The following CPAMD8 variants were observed in gnomAD, a reference collection of about 807,000 sequenced individuals.
CPAMD8 encodes the protein C3 and PZP like alpha-2-macroglobulin domain containing 8.
Under a neutral mutation model 224.7 loss-of-function variants are expected in CPAMD8, and 146 were observed. The observed-to-expected ratio is 0.65, with a 90% CI of 0.57 to 0.75. The LOEUF (loss-of-function observed/expected upper bound fraction) is 0.75. Among genes scored for constraint, CPAMD8 ranks in the 30% least tolerant of loss-of-function variants. CPAMD8 has a pLI of 0.00. For synonymous variants in CPAMD8, 966 were observed against 1,044.6 expected (o/e 0.92, Z 1.45); for missense variants, 2,301 against 2,537.5 (o/e 0.91, Z 2.00).
At chr19:16,904,920 C>T (rs2052411388) in intron 30 of CPAMD8, among the ~76,000 whole-genome samples, 1 of 152,226 alleles carries the variant, frequency 6.6e-6, no homozygotes, top group African/African-American at 2.4e-5. Context: ...ACTTAGTGCC[C>T]AAGCAGCCAC....
chr19:16,986,446 CCT>C (rs1282102730), intron 13 of CPAMD8, among the ~76,000 whole-genome samples: 1 of 152,142 alleles, frequency 6.6e-6, no homozygotes, highest in Non-Finnish European at 1.5e-5. Flanking sequence ...CTTCCTGTCC[CCT>C]GAGGAGGAGG....
chr19:17,006,912 C>T (rs1389760246), intron 7 of CPAMD8, among the ~76,000 whole-genome samples: 2 of 152,214 alleles, frequency 1.3e-5, no homozygotes, highest in Non-Finnish European at 2.9e-5. Context: ...TTGCTTCCCC[C>T]ATTGGGTTGA....
chr19:17,020,477 C>A, intron 2 of CPAMD8, 124 bp from the exon 3 acceptor site: 1 of 712,984 alleles, frequency 1.4e-6, no homozygotes, highest in Admixed American at 2.1e-5. Context: ...ACAAACACAC[C>A]CTGGGTCATG....
chr19:16,995,061 C>T (rs964370822), intron 11 of CPAMD8, among the ~76,000 whole-genome samples: 1 of 152,224 alleles, frequency 6.6e-6, no homozygotes, highest in Non-Finnish European at 1.5e-5. Context: ...CTTCTTCATA[C>T]ACATTCTGAC....
chr19:16,959,177 T>C (rs2054569998), intron 18 of CPAMD8, among the ~76,000 whole-genome samples: 1 of 136,986 alleles, frequency 7.3e-6, no homozygotes, highest in Non-Finnish European at 1.6e-5. Flanking sequence ...TGCATTTCCC[T>C]TTTTTTTTTT....
intron 18 of CPAMD8, among the ~76,000 whole-genome samples, chr19:16,958,479 C>T (rs576070427): frequency 1.3e-5 from 2 of 152,276 alleles, no homozygotes; most frequent in East Asian, 3.9e-4. Flanking sequence ...GCATAGTATT[C>T]CATGGTATTT....
intron 11 of CPAMD8, among the ~76,000 whole-genome samples, chr19:16,993,988 A>T (rs1268294252): frequency 1.3e-5 from 2 of 152,130 alleles, no homozygotes; most frequent in Admixed American, 1.3e-4. Context: ...CTATAGCCCC[A>T]ACTATTCAGG....
At chr19:17,021,998 G>A (rs2056969853) in intron 2 of CPAMD8, 32 bp downstream of exon 2, 2 of 1,551,272 alleles carry the variant, frequency 1.3e-6, no homozygotes, top group Non-Finnish European at 8.7e-7. Flanking sequence ...CAAAAGAAGG[G>A]GAAGTCCTGG....
Position 16,896,646 on chromosome 19 carries a change from C to G in CPAMD8, c.5085G>C (p.Ser1695=). The G allele has an allele frequency of 1.4e-6, 2 of 1,475,866 alleles. No individual in the cohort carries two copies. The highest frequency in any genetic ancestry group is 2.6e-5 in the South Asian group (2 of 76,880). 91.4% of individuals were successfully genotyped at this position (1,475,866 alleles called of 1,614,324 possible). A position where few individuals can be genotyped will look rare whatever the true frequency, so the allele number is the denominator to read the frequency against. Residue 1695 remains serine, a synonymous_variant, in exon 40 of 42, where the codon TCG becomes TCC. Transcript: ENST00000443236. ...CCTCCTCAGGGGCCACGGCAGGGCC[C>G]GACTCGCCGGGGAACCAGCCTGGGG... The part of the protein sequence containing the change: ...ARGPGWFPGE[S]GPAVAPEEGA...
intron 23 of CPAMD8, among the ~76,000 whole-genome samples, chr19:16,930,511 G>A (rs569544914): frequency 2.0e-5 from 3 of 152,306 alleles, no homozygotes; most frequent in East Asian, 3.9e-4. Context: ...GAAGTGACAA[G>A]AAACACCTAA....
chr19:16,988,829 G>A (rs530839239), intron 13 of CPAMD8, among the ~76,000 whole-genome samples: 9 of 152,110 alleles, frequency 5.9e-5, no homozygotes, highest in Non-Finnish European at 1.2e-4. Flanking sequence ...GTAGTAGGCT[G>A]ACAATCAAAA....
intron 27 of CPAMD8, among the ~76,000 whole-genome samples, chr19:16,915,900 T>C (rs1344590075): frequency 1.3e-5 from 2 of 151,410 alleles, no homozygotes; most frequent in Non-Finnish European, 2.9e-5. Flanking sequence ...TTTTCTTTCT[T>C]TCTTTCTCTT....
chr19:16,915,693 C>A (rs1302374519), intron 27 of CPAMD8, among the ~76,000 whole-genome samples: 5 of 152,054 alleles, frequency 3.3e-5, no homozygotes, highest in African/African-American at 9.7e-5. Context: ...GGATGAAAAC[C>A]AAAATTGTCA....
In CPAMD8 at chr19:17,008,564, T is replaced by G; in HGVS notation, c.505-5A>C. ...CATCCGAGAGCCTCGGGGGTCCTGT[T>G]GGTGGTGGAGGGGGACAGACACACG... is the stretch of plus-strand genomic sequence containing the variant. On this transcript the variant is annotated splice_polypyrimidine_tract_variant and splice_region_variant and intron_variant, in intron 6 of 41. Transcript: ENST00000443236. The G allele has an allele frequency of 6.2e-7, 1 of 1,613,994 alleles. No individual in the cohort carries two copies. The highest frequency in any genetic ancestry group is 2.2e-5 in the East Asian group (1 of 44,866).
chr19:16,960,764 T>C (rs1269891781), intron 18 of CPAMD8, among the ~76,000 whole-genome samples: 4 of 151,742 alleles, frequency 2.6e-5, no homozygotes, highest in Non-Finnish European at 4.4e-5. Flanking sequence ...TAGCCGGGTT[T>C]GGTGGTGCAG....
intron 26 of CPAMD8, among the ~76,000 whole-genome samples, chr19:16,924,934 A>G (rs924608201): frequency 1.3e-5 from 2 of 148,334 alleles, no homozygotes; most frequent in Non-Finnish European, 2.9e-5. Flanking sequence ...TTATATTATT[A>G]TTGTTGTAAA....
At chr19:16,947,342 A>C in intron 20 of CPAMD8, 115 bp from the exon 21 acceptor site, 1 of 1,272,146 alleles carries the variant, frequency 7.9e-7, no homozygotes, top group Non-Finnish European at 1.1e-6. Flanking sequence ...CAGCCTCCCA[A>C]AGAGCCATGC....
chr19:16,976,071 A>G lies in CPAMD8; in HGVS notation c.1839T>C (p.Cys613=). Residue 613 remains cysteine (C), a synonymous_variant, in exon 16 of 42, where the codon TGT becomes TGC. Coordinates refer to ENST00000443236, the MANE Select transcript of CPAMD8 (RefSeq NM_015692.5). ...TCTTATCAACTGCGGCGACGCACACACAGCTGCCCCTTGCAGCCCTGATCC... is the reference window on the plus strand; with the variant it reads ...TCTTATCAACTGCGGCGACGCACACGCAGCTGCCCCTTGCAGCCCTGATCC... The part of the protein sequence containing the change: ...DLRIRAARGS[C]VCVAAVDKSV... The G allele has an allele frequency of 5.0e-6, 8 of 1,612,154 alleles. No individual in the cohort carries two copies. Among genetic ancestry groups the G allele is most frequent in the South Asian group, 1.1e-5 (1 of 90,906 alleles).
chr19:17,014,551 T>G (rs1290134795), intron 3 of CPAMD8, among the ~76,000 whole-genome samples: 1 of 152,196 alleles, frequency 6.6e-6, no homozygotes, highest in Non-Finnish European at 1.5e-5. Flanking sequence ...ACTCACAGTT[T>G]CACGTGGCTG....
Sources: gnomAD v4.1 joint callset for allele counts (sites outside exome capture counted in the v4.1 genomes callset) on GRCh38, gnomAD v4.1.1 for gene constraint, MANE v1.5 for transcripts, NCBI Gene and HGNC (gene_info 2026-07-23, HGNC 2026-07-21) for gene names.